MCEMP1: variants seen among roughly 807,000 people sequenced by gnomAD.
The protein encoded by MCEMP1 is mast cell expressed membrane protein 1.
A neutral mutation model predicts 27.9 loss-of-function variants in MCEMP1; 17 were observed. The ratio of observed to expected loss-of-function variants is 0.61; its 90% CI spans 0.42 to 0.91. MCEMP1 has a LOEUF of 0.91. Ranked by LOEUF, MCEMP1 falls within the 40% of genes least tolerant of loss-of-function variation. The probability of loss-of-function intolerance (pLI) is 0.00; values close to 1 mark genes in which losing one functional copy is unlikely to be tolerated. For missense variants in MCEMP1, 200 were observed against 204.8 expected, an observed-to-expected ratio of 0.98 and a Z score of 0.14; for synonymous variants, 88 against 76.9, an observed-to-expected ratio of 1.14 and a Z score of -0.76.
Position 7,677,102 on chromosome 19 carries a change from C to A in MCEMP1, c.-19C>A. 1 of 1,599,066 alleles carries A rather than the reference C, an allele frequency of 6.3e-7. No individual in the cohort carries two copies. Among genetic ancestry groups the A allele is most frequent in the Non-Finnish European group, 8.5e-7 (1 of 1,172,408 alleles). Reference sequence around the variant, plus strand: ...GGACCATGGAAGTGGAGGAAATCTACAAGCACCAGGAAGTCAAGATGCAAG... The same window carrying A: ...GGACCATGGAAGTGGAGGAAATCTAAAAGCACCAGGAAGTCAAGATGCAAG... On this transcript the variant is annotated 5_prime_UTR_variant, in exon 1 of 7. Transcript: ENST00000333598. The surrounding 1 kb of genome is among the most constrained non-coding windows in gnomAD (Gnocchi z 4.6).
Position 7,678,904 on chromosome 19 carries a change from C to CCA in MCEMP1, c.449-20_449-19insCA. The CCA allele has an allele frequency of 1.0e-5, 13 of 1,271,188 alleles. No homozygotes were observed. Among genetic ancestry groups the CCA allele is most frequent in the Non-Finnish European group, 1.1e-5 (10 of 891,644 alleles). 78.7% of individuals were successfully genotyped at this position (1,271,188 alleles called of 1,614,324 possible). A position where few individuals can be genotyped will look rare whatever the true frequency, so the allele number is the denominator to read the frequency against. On this transcript the variant is annotated intron_variant, in intron 5 of 6. Transcript: ENST00000333598. This position sits in a 1 kb window ranked among gnomAD's most constrained non-coding sequence, Gnocchi z 4.8. Reference sequence around the variant, plus strand: ...GCAGCTTGACTTATCTGTTCCCACCCAACCCTCCCCGCCCCCTAGGCATAA... The same window carrying CCA: ...GCAGCTTGACTTATCTGTTCCCACCCCAAACCCTCCCCGCCCCCTAGGCATAA...
At position 7,679,192 on chromosome 19, in the gene MCEMP1, C is replaced by G. The variant is rs977118948; in HGVS notation, c.*78C>G. ...CTGCCAACGAAGACGGGAAATGACC[C>G]CCCCCCCCCAGCCTAGTGTGAACCT... On this transcript the variant is annotated 3_prime_UTR_variant, in exon 7 of 7. Transcript: ENST00000333598. The surrounding 1 kb of genome is among the most constrained non-coding windows in gnomAD (Gnocchi z 4.9). 13 of 826,576 alleles carry G rather than the reference C, an allele frequency of 1.6e-5. No individual in the cohort carries two copies. The highest frequency in any genetic ancestry group is 8.0e-5 in the East Asian group (2 of 25,096). The allele number at this position is 826,576 out of a possible 1,614,324, so 51.2% of individuals were successfully genotyped here.
At position 7,679,604 on chromosome 19, in the gene MCEMP1, C is replaced by T. The variant is rs946495012; in HGVS notation, c.*490C>T. On this transcript the variant is annotated 3_prime_UTR_variant, in exon 7 of 7. Coordinates refer to ENST00000333598, the MANE Select transcript of MCEMP1 (RefSeq NM_174918.3). This position sits in a 1 kb window ranked among gnomAD's most constrained non-coding sequence, Gnocchi z 4.9. Reference sequence around the variant, plus strand: ...TGTGTAAACATACTAGAGTATACTGCGGCGTGTTTTCTGTCTACCCATGTC... The same window carrying T: ...TGTGTAAACATACTAGAGTATACTGTGGCGTGTTTTCTGTCTACCCATGTC... The T allele has an allele frequency of 2.9e-4, 45 of 155,590 alleles. No individual in the cohort carries two copies. Among genetic ancestry groups the T allele is most frequent in the African/African-American group, 1.1e-3 (45 of 41,514 alleles). 9.6% of individuals were successfully genotyped at this position (155,590 alleles called of 1,614,324 possible). A position where few individuals can be genotyped will look rare whatever the true frequency, so the allele number is the denominator to read the frequency against.
chr19:7,678,209 G>T lies in MCEMP1; in HGVS notation c.251G>T (p.Cys84Phe). Residue 84 changes from cysteine (C) to phenylalanine (F), a missense_variant, in exon 3 of 7, where the codon TGC (cysteine) becomes TTC (phenylalanine). By Grantham distance (205) the Cys-to-Phe change is radical. Coordinates refer to ENST00000333598, the MANE Select transcript of MCEMP1 (RefSeq NM_174918.3). The surrounding 1 kb of genome is among the most constrained non-coding windows in gnomAD (Gnocchi z 4.8). ...CTCCTGGCCCTGGCCTTTGTCCTCT[G>T]CATCATCCTGTCAGCCTTCATCATG... Reference protein sequence around the residue: ...YILLALAFVLCIILSAFIMVK... With the variant: ...YILLALAFVLFIILSAFIMVK... 6.2e-7 allele frequency: 1 copy of T among 1,614,096 alleles called. No individual in the cohort carries two copies. The highest frequency in any genetic ancestry group is 8.5e-7 in the Non-Finnish European group (1 of 1,179,992).
chr19:7,678,825 T>C lies in MCEMP1; in HGVS notation c.449-99T>C, dbSNP rs926526793. 4.7e-5 allele frequency: 60 copies of C among 1,288,414 alleles called. No homozygotes were observed. The African/African-American group carries it at 7.9e-4, about 17-fold the overall frequency. 79.8% of individuals were successfully genotyped at this position (1,288,414 alleles called of 1,614,324 possible). A position where few individuals can be genotyped will look rare whatever the true frequency, so the allele number is the denominator to read the frequency against. On this transcript the variant is annotated intron_variant, in intron 5 of 6. Transcript: ENST00000333598. This position sits in a 1 kb window ranked among gnomAD's most constrained non-coding sequence, Gnocchi z 4.8. The stretch of plus-strand genomic sequence containing the variant: ...GCTCTGCTGTACCCCAGGGTGGGTG[T>C]GGGGCAGGGGGGGTGCTTCCAAGGA...
rs540048587 is a variant in MCEMP1, at chr19:7,679,351, C to T, written c.*237C>T. The stretch of plus-strand genomic sequence containing the variant: ...GTTCGTGTATGTGCGTGTGTGCGTG[C>T]GCGTGTGTGTGCATTTTGCAAAGGG... On this transcript the variant is annotated 3_prime_UTR_variant, in exon 7 of 7. Coordinates refer to ENST00000333598, the MANE Select transcript of MCEMP1 (RefSeq NM_174918.3). The surrounding 1 kb of genome is among the most constrained non-coding windows in gnomAD (Gnocchi z 4.9). The T allele has an allele frequency of 9.3e-6, 5 of 534,988 alleles. No homozygotes were observed. The highest frequency in any genetic ancestry group is 4.9e-4 in the Middle Eastern group (1 of 2,050). The allele number at this position is 534,988 out of a possible 1,614,324, so 33.1% of individuals were successfully genotyped here.
rs1568481378 is a variant in MCEMP1, at chr19:7,679,089, C to CA, written c.509-8dup. ...ATCTGCCTCACTGTGGGTCTCTCCC[C>CA]ATCCCCAGAGTCCTCACCTCAATAA... On this transcript the variant is annotated splice_polypyrimidine_tract_variant and intron_variant, in intron 6 of 6. Transcript: ENST00000333598. The surrounding 1 kb of genome is among the most constrained non-coding windows in gnomAD (Gnocchi z 4.9). 1 of 1,605,948 alleles carries CA rather than the reference C, an allele frequency of 6.2e-7. No individual in the cohort carries two copies. Among genetic ancestry groups the CA allele is most frequent in the Admixed American group, 1.7e-5 (1 of 58,810 alleles).
chr19:7,677,120 G>A lies in MCEMP1; in HGVS notation c.-1G>A. On this transcript the variant is annotated 5_prime_UTR_variant, in exon 1 of 7. Transcript: ENST00000333598. The surrounding 1 kb of genome is among the most constrained non-coding windows in gnomAD (Gnocchi z 4.6). ...AAATCTACAAGCACCAGGAAGTCAAGATGCAAGCACCAGCCTTCAGGGACA... is the reference window on the plus strand; with the variant it reads ...AAATCTACAAGCACCAGGAAGTCAAAATGCAAGCACCAGCCTTCAGGGACA... 2 of 1,601,064 alleles carry A rather than the reference G, an allele frequency of 1.2e-6. No homozygotes were observed. Among genetic ancestry groups the A allele is most frequent in the South Asian group, 1.1e-5 (1 of 88,974 alleles).
chr19:7,678,295 C>T lies in MCEMP1; in HGVS notation c.283+54C>T. 1 of 1,613,726 alleles carries T rather than the reference C, an allele frequency of 6.2e-7. No individual in the cohort carries two copies. The highest frequency in any genetic ancestry group is 8.5e-7 in the Non-Finnish European group (1 of 1,179,762). On this transcript the variant is annotated intron_variant, in intron 3 of 6. Transcript: ENST00000333598. The surrounding 1 kb of genome is among the most constrained non-coding windows in gnomAD (Gnocchi z 4.8). ...GGGGGCCTAGACTTTCTCCCTTGTC[C>T]TTCTCTCTCTCTCTCCCTGGGTGCT...
chr19:7,677,605 A>G lies in MCEMP1; in HGVS notation c.56-32A>G. On this transcript the variant is annotated intron_variant, in intron 1 of 6. Transcript: ENST00000333598. The surrounding 1 kb of genome is among the most constrained non-coding windows in gnomAD (Gnocchi z 4.6). Reference sequence around the variant, plus strand: ...ATCCCGGATCCACTCTCCACACCACAGAGCTCTGAGCAGATCTCCAACCCC... The same window carrying G: ...ATCCCGGATCCACTCTCCACACCACGGAGCTCTGAGCAGATCTCCAACCCC... The G allele has an allele frequency of 6.4e-7, 1 of 1,568,124 alleles. No homozygotes were observed. Among genetic ancestry groups the G allele is most frequent in the Admixed American group, 1.7e-5 (1 of 59,958 alleles).
Position 7,679,201 on chromosome 19 carries a change from C to T in MCEMP1, c.*87C>T. On this transcript the variant is annotated 3_prime_UTR_variant, in exon 7 of 7. Coordinates refer to ENST00000333598, the MANE Select transcript of MCEMP1 (RefSeq NM_174918.3). This position sits in a 1 kb window ranked among gnomAD's most constrained non-coding sequence, Gnocchi z 4.9. Reference sequence around the variant, plus strand: ...AAGACGGGAAATGACCCCCCCCCCCCAGCCTAGTGTGAACCTGCCCCTCGT... The same window carrying T: ...AAGACGGGAAATGACCCCCCCCCCCTAGCCTAGTGTGAACCTGCCCCTCGT... The T allele has an allele frequency of 9.9e-7, 1 of 1,014,060 alleles. No homozygotes were observed. Among genetic ancestry groups the T allele is most frequent in the Non-Finnish European group, 1.4e-6 (1 of 737,850 alleles). The allele number at this position is 1,014,060 out of a possible 1,614,324, so 62.8% of individuals were successfully genotyped here. A position where few individuals can be genotyped will look rare whatever the true frequency, so the allele number is the denominator to read the frequency against.
Position 7,677,220 on chromosome 19 carries a change from T to TG in MCEMP1, c.55+51dup. The TG allele has an allele frequency of 7.1e-7, 1 of 1,409,478 alleles. No individual in the cohort carries two copies. The allele number at this position is 1,409,478 out of a possible 1,614,324, so 87.3% of individuals were successfully genotyped here. A position where few individuals can be genotyped will look rare whatever the true frequency, so the allele number is the denominator to read the frequency against. On this transcript the variant is annotated intron_variant, in intron 1 of 6. Coordinates refer to ENST00000333598, the MANE Select transcript of MCEMP1 (RefSeq NM_174918.3). The surrounding 1 kb of genome is among the most constrained non-coding windows in gnomAD (Gnocchi z 4.6). Reference sequence around the variant, plus strand: ...AAGGGAGGGGTTAAGAAGGAGAGATTGGGGGGCCGGGGGCTTTTGCTCATG... The same window carrying TG: ...AAGGGAGGGGTTAAGAAGGAGAGATTGGGGGGGCCGGGGGCTTTTGCTCATG...
At position 7,678,783 on chromosome 19, in the gene MCEMP1, G is replaced by A. The variant is rs1421625777; in HGVS notation, c.449-141G>A. Reference sequence around the variant, plus strand: ...TCTGTGGGTATTGAAAGGCTCCTGGGAACCCCAAATCCATGGGCTCTGCTG... The same window carrying A: ...TCTGTGGGTATTGAAAGGCTCCTGGAAACCCCAAATCCATGGGCTCTGCTG... On this transcript the variant is annotated intron_variant, in intron 5 of 6. Transcript: ENST00000333598. The surrounding 1 kb of genome is among the most constrained non-coding windows in gnomAD (Gnocchi z 4.8). 1 of 1,107,880 alleles carries A rather than the reference G, an allele frequency of 9.0e-7. No individual in the cohort carries two copies. The highest frequency in any genetic ancestry group is 1.3e-6 in the Non-Finnish European group (1 of 770,082). The allele number at this position is 1,107,880 out of a possible 1,614,324, so 68.6% of individuals were successfully genotyped here.
rs2032594818 is a variant in MCEMP1 at position 7,679,282 on chromosome 19, GT to G, written c.*169del. The G allele has an allele frequency of 1.2e-6, 1 of 828,500 alleles. No individual in the cohort carries two copies. Among genetic ancestry groups the G allele is most frequent in the African/African-American group, 1.7e-5 (1 of 57,838 alleles). 51.3% of individuals were successfully genotyped at this position (828,500 alleles called of 1,614,324 possible). ...GAATGAGTGTCTCGGAGTTGCTCGTGTGTGTGTACACCTGCGTGCGTGTGTG... is the reference window on the plus strand; with the variant it reads ...GAATGAGTGTCTCGGAGTTGCTCGTGGTGTGTACACCTGCGTGCGTGTGTG... On this transcript the variant is annotated 3_prime_UTR_variant, in exon 7 of 7. Transcript: ENST00000333598. The surrounding 1 kb of genome is among the most constrained non-coding windows in gnomAD (Gnocchi z 4.9).
chr19:7,679,037 A>C lies in MCEMP1; in HGVS notation c.508+54A>C. 6.2e-7 allele frequency: 1 copy of C among 1,604,150 alleles called. No individual in the cohort carries two copies. The highest frequency in any genetic ancestry group is 8.5e-7 in the Non-Finnish European group (1 of 1,174,602). ...GGAGGGTGGGTGGGGCTTCAGATTT[A>C]GCCCCAGCTCCTCTCCCAGGGGCGG... On this transcript the variant is annotated intron_variant, in intron 6 of 6. Coordinates refer to ENST00000333598, the MANE Select transcript of MCEMP1 (RefSeq NM_174918.3). The surrounding 1 kb of genome is among the most constrained non-coding windows in gnomAD (Gnocchi z 4.9).
At position 7,678,706 on chromosome 19, in the gene MCEMP1, C is replaced by T. The variant is rs2032582085; in HGVS notation, c.448+102C>T. 8.0e-7 allele frequency: 1 copy of T among 1,254,204 alleles called. No homozygotes were observed. The highest frequency in any genetic ancestry group is 1.3e-5 in the South Asian group (1 of 76,842). 77.7% of individuals were successfully genotyped at this position (1,254,204 alleles called of 1,614,324 possible). A position where few individuals can be genotyped will look rare whatever the true frequency, so the allele number is the denominator to read the frequency against. ...GGGGAGGAGAAAGCCGGGGTCCTAC[C>T]CTCCCAAAGCTCAAGTTGTGGAGGG... On this transcript the variant is annotated intron_variant, in intron 5 of 6. Coordinates refer to ENST00000333598, the MANE Select transcript of MCEMP1 (RefSeq NM_174918.3). The surrounding 1 kb of genome is among the most constrained non-coding windows in gnomAD (Gnocchi z 4.8).
In MCEMP1 at chr19:7,678,903, C is replaced by A. The variant is rs1002579530; in HGVS notation, c.449-21C>A. 1.0e-5 allele frequency: 13 copies of A among 1,248,264 alleles called. No homozygotes were observed. Among genetic ancestry groups the A allele is most frequent in the Non-Finnish European group, 1.4e-5 (12 of 869,694 alleles). The allele number at this position is 1,248,264 out of a possible 1,614,324, so 77.3% of individuals were successfully genotyped here. On this transcript the variant is annotated intron_variant, in intron 5 of 6. Transcript: ENST00000333598. The surrounding 1 kb of genome is among the most constrained non-coding windows in gnomAD (Gnocchi z 4.8). ...CGCAGCTTGACTTATCTGTTCCCAC[C>A]CAACCCTCCCCGCCCCCTAGGCATA...
At position 7,678,690 on chromosome 19, in the gene MCEMP1, A is replaced by G; in HGVS notation, c.448+86A>G. ...GGGGGCAGGGGATTCAGGGGAGGAG[A>G]AAGCCGGGGTCCTACCCTCCCAAAG... On this transcript the variant is annotated intron_variant, in intron 5 of 6. Coordinates refer to ENST00000333598, the MANE Select transcript of MCEMP1 (RefSeq NM_174918.3). This position sits in a 1 kb window ranked among gnomAD's most constrained non-coding sequence, Gnocchi z 4.8. 1.5e-6 allele frequency: 2 copies of G among 1,355,494 alleles called. No homozygotes were observed. Among genetic ancestry groups the G allele is most frequent in the Non-Finnish European group, 2.1e-6 (2 of 962,784 alleles). The allele number at this position is 1,355,494 out of a possible 1,614,324, so 84.0% of individuals were successfully genotyped here.
chr19:7,677,906 G>C lies in MCEMP1; in HGVS notation c.145+180G>C. 1.9e-6 allele frequency: 2 copies of C among 1,035,480 alleles called. No individual in the cohort carries two copies. Among genetic ancestry groups the C allele is most frequent in the Non-Finnish European group, 2.9e-6 (2 of 699,914 alleles). The allele number at this position is 1,035,480 out of a possible 1,614,324, so 64.1% of individuals were successfully genotyped here. The stretch of plus-strand genomic sequence containing the variant: ...ACAATGTTGGGGAATGCTGGAGAGG[G>C]GGTCTGTGATGGTGACGGTGTTAGA... On this transcript the variant is annotated intron_variant, in intron 2 of 6. Coordinates refer to ENST00000333598, the MANE Select transcript of MCEMP1 (RefSeq NM_174918.3). This position sits in a 1 kb window ranked among gnomAD's most constrained non-coding sequence, Gnocchi z 4.6.
Sources: allele counts gnomAD v4.1 joint callset, GRCh38; gene constraint gnomAD v4.1.1; non-coding constraint Gnocchi (gnomAD v3.1); transcripts MANE v1.5; gene names NCBI Gene and HGNC (gene_info 2026-07-23, HGNC 2026-07-21).